Variants in PRLR observed in about 807,000 individuals in gnomAD.
The protein encoded by PRLR is prolactin receptor, also known as hPRL receptor.
PRLR carries 13 observed loss-of-function variants against 40.2 expected under a neutral mutation model. That is an observed-to-expected ratio of 0.32 (90% CI 0.21 to 0.51). PRLR has a LOEUF of 0.51. Ranked by LOEUF, PRLR falls within the 20% of genes least tolerant of loss-of-function variation. PRLR has a pLI of 0.97. For synonymous variants in PRLR, 269 were observed against 278.7 expected (o/e 0.97, Z 0.35); for missense variants, 656 against 747.3 (o/e 0.88, Z 1.42).
At chr5:35,203,917 C>T (rs1323627398) in intron 1 of PRLR, among the ~76,000 whole-genome samples, 2 of 151,808 alleles carry the variant, frequency 1.3e-5, no homozygotes, top group African/African-American at 2.4e-5. Context: ...AAATCAAGAT[C>T]GAGAAAGTCG....
chr5:35,107,090 C>A (rs1160335069), intron 2 of PRLR, among the ~76,000 whole-genome samples: 1 of 152,210 alleles, frequency 6.6e-6, no homozygotes, highest in Admixed American at 6.5e-5. Flanking sequence ...AACCACACAA[C>A]TACATGGAAA....
chr5:35,087,422 TTGTGTGTGTGTG>T (rs10691744), intron 3 of PRLR, among the ~76,000 whole-genome samples: 9 of 140,936 alleles, frequency 6.4e-5, no homozygotes, highest in South Asian at 4.7e-4. Flanking sequence ...TCTCTTTCCT[TTGTGTGTGTGTG>T]TGTGTGTGTG....
At chr5:35,106,174 G>T (rs1341820952) in intron 2 of PRLR, among the ~76,000 whole-genome samples, 7 of 152,186 alleles carry the variant, frequency 4.6e-5, no homozygotes, top group Non-Finnish European at 1.0e-4. Context: ...ACAAGCAAGT[G>T]CTGAGAGATT....
chr5:35,227,366 G>A (rs999175292), intron 1 of PRLR, among the ~76,000 whole-genome samples: 5 of 152,192 alleles, frequency 3.3e-5, no homozygotes, highest in African/African-American at 1.2e-4. Context: ...CTTGGATCCT[G>A]GTTCTGCCTT....
At chr5:35,189,002 T>A (rs979961982) in intron 1 of PRLR, among the ~76,000 whole-genome samples, 1 of 152,172 alleles carries the variant, frequency 6.6e-6, no homozygotes, top group South Asian at 2.1e-4. Flanking sequence ...ATTGCAGATA[T>A]AATTAGTTGA....
intron 1 of PRLR, among the ~76,000 whole-genome samples, chr5:35,121,943 G>A (rs1013710656): frequency 1.3e-5 from 2 of 152,158 alleles, no homozygotes; most frequent in South Asian, 2.1e-4. Context: ...TGATGATAGA[G>A]CTGTGGATAT....
At chr5:35,142,139 T>G (rs1579724783) in intron 1 of PRLR, among the ~76,000 whole-genome samples, 1 of 152,150 alleles carries the variant, frequency 6.6e-6, no homozygotes, top group African/African-American at 2.4e-5. Context: ...TATTCAGAAG[T>G]GAATAGGTTG....
At chr5:35,127,578 T>C (rs139564750) in intron 1 of PRLR, among the ~76,000 whole-genome samples, 1,673 of 152,322 alleles carry the variant, frequency 0.011, 13 homozygotes, top group Admixed American at 0.018. Flanking sequence ...CATGGCACTT[T>C]GCTCTTTAGT....
intron 8 of PRLR, among the ~76,000 whole-genome samples, chr5:35,050,533 G>A (rs1768459582): frequency 6.6e-6 from 1 of 152,178 alleles, no homozygotes; most frequent in South Asian, 2.1e-4. Context: ...AATAGCAGGG[G>A]AGAAGCCTTT....
intron 1 of PRLR, among the ~76,000 whole-genome samples, chr5:35,228,236 A>G (rs76148483): frequency 2.9e-4 from 31 of 106,416 alleles, no homozygotes; most frequent in Non-Finnish European, 3.2e-4. Flanking sequence ...ACCATGCAAA[A>G]AAAAAAAAAA....
intron 1 of PRLR, among the ~76,000 whole-genome samples, chr5:35,178,458 G>A (rs77565584): frequency 0.04 from 6,147 of 152,252 alleles, 157 homozygotes; most frequent in Middle Eastern, 0.11. Context: ...ATTTGTCTGC[G>A]TGTAGAGAAC....
At chr5:35,081,449 AC>A (rs1770510324) in intron 5 of PRLR, 1 of 189,422 alleles carries the variant, frequency 5.3e-6, no homozygotes, top group African/African-American at 2.4e-5. Context: ...ATCTGGATAA[AC>A]CTGCCAAATA....
At chr5:35,096,158 C>T (rs1771523583) in intron 2 of PRLR, among the ~76,000 whole-genome samples, 1 of 152,222 alleles carries the variant, frequency 6.6e-6, no homozygotes, top group East Asian at 1.9e-4. Context: ...CTAACCTAGT[C>T]AGGGCAAATT....
At chr5:35,158,114 T>G (rs1263699159) in intron 1 of PRLR, among the ~76,000 whole-genome samples, 1 of 152,214 alleles carries the variant, frequency 6.6e-6, no homozygotes, top group African/African-American at 2.4e-5. Context: ...ACTGTCTATA[T>G]TCTCACAATA....
intron 3 of PRLR, 131 bp from the exon 4 acceptor site, chr5:35,086,471 G>A: frequency 2.7e-6 from 3 of 1,126,210 alleles, no homozygotes; most frequent in Non-Finnish European, 3.8e-6. Flanking sequence ...ACCTAGGGTG[G>A]ATGCTCAGGA....
At chr5:35,165,104 T>G (rs1774783551) in intron 1 of PRLR, among the ~76,000 whole-genome samples, 1 of 152,212 alleles carries the variant, frequency 6.6e-6, no homozygotes, top group Non-Finnish European at 1.5e-5. Flanking sequence ...AGTTCTACAA[T>G]GTGAAGACTT....
intron 1 of PRLR, among the ~76,000 whole-genome samples, chr5:35,143,841 A>T (rs753542192): frequency 6.6e-6 from 1 of 152,326 alleles, no homozygotes; most frequent in East Asian, 1.9e-4. Context: ...TGCTAAGTTT[A>T]TAAAACAGAT....
chr5:35,112,449 T>G (rs1349198323), intron 2 of PRLR, among the ~76,000 whole-genome samples: 1 of 151,994 alleles, frequency 6.6e-6, no homozygotes, highest in Non-Finnish European at 1.5e-5. Context: ...GTCCTTGTCA[T>G]GCAAAGCAAG....
At chr5:35,228,298 A>G (rs1378736864) in intron 1 of PRLR, among the ~76,000 whole-genome samples, 1 of 151,308 alleles carries the variant, frequency 6.6e-6, no homozygotes, top group Non-Finnish European at 1.5e-5. Context: ...GAAGCTCAGG[A>G]AAACTCAGAG....
Sources: gnomAD v4.1 joint callset for allele counts (sites outside exome capture counted in the v4.1 genomes callset) on GRCh38, gnomAD v4.1.1 for gene constraint, MANE v1.5 for transcripts, NCBI Gene and HGNC (gene_info 2026-07-23, HGNC 2026-07-21) for gene names.